The following ADAMTSL1 variants were observed in gnomAD, a reference collection of about 807,000 sequenced individuals.
ADAMTSL1 encodes ADAMTS-like protein 1.
Under a neutral mutation model 201.8 loss-of-function variants are expected in ADAMTSL1, and 126 were observed. The ratio of observed to expected loss-of-function variants is 0.62; its 90% CI spans 0.54 to 0.72. ADAMTSL1 has a LOEUF of 0.72. ADAMTSL1 is among the 30% of genes least tolerant of loss of function. ADAMTSL1 has a pLI of 0.00. For synonymous variants in ADAMTSL1, 1,121 were observed against 903.4 expected, an observed-to-expected ratio of 1.24 and a Z score of -4.32; for missense variants, 2,679 against 2,277.8, an observed-to-expected ratio of 1.18 and a Z score of -3.59.
At chr9:18,422,990 C>T (rs369415944) in intron 2 of ADAMTSL1, among the ~76,000 whole-genome samples, 1 of 152,332 alleles carries the variant, frequency 6.6e-6, no homozygotes, top group South Asian at 2.1e-4. Context: ...GCTTTCCAGA[C>T]TTTGGTGTGT....
intron 19 of ADAMTSL1, among the ~76,000 whole-genome samples, chr9:18,788,816 C>G (rs766320824): frequency 1.8e-4 from 27 of 151,396 alleles, no homozygotes; most frequent in Non-Finnish European, 4.4e-5. Context: ...TGTTTTCCAG[C>G]TCTAACTCAT....
chr9:18,180,304 C>T (rs1285105591), intron 2 of ADAMTSL1, among the ~76,000 whole-genome samples: 5 of 152,094 alleles, frequency 3.3e-5, no homozygotes, highest in African/African-American at 1.2e-4. Flanking sequence ...GAGGCTGAGG[C>T]GGGCGGATCA....
intron 2 of ADAMTSL1, among the ~76,000 whole-genome samples, chr9:18,211,931 T>A (rs1829887190): frequency 1.3e-5 from 2 of 152,214 alleles, no homozygotes; most frequent in Admixed American, 1.3e-4. Context: ...CAAGTGCCCC[T>A]GTTTTCATGA....
intron 23 of ADAMTSL1, among the ~76,000 whole-genome samples, chr9:18,832,464 T>A (rs1046097609): frequency 6.6e-6 from 1 of 152,180 alleles, no homozygotes; most frequent in Non-Finnish European, 1.5e-5. Context: ...TTCGAGGGTT[T>A]TTAAATAGGA....
intron 1 of ADAMTSL1, 68 bp from the exon 2 acceptor site, chr9:18,504,761 C>T: frequency 4.3e-6 from 7 of 1,611,610 alleles, no homozygotes; most frequent in Non-Finnish European, 5.9e-6. Flanking sequence ...AGGCCAGTCA[C>T]ATTTTAGAAC....
intron 2 of ADAMTSL1, among the ~76,000 whole-genome samples, chr9:18,298,876 T>C (rs960986775): frequency 9.9e-5 from 15 of 151,976 alleles, no homozygotes; most frequent in Admixed American, 2.0e-4. Context: ...CCGGTCGTGG[T>C]GGCGGGCGCC....
At chr9:18,345,545 A>G (rs1241669943) in intron 2 of ADAMTSL1, among the ~76,000 whole-genome samples, 1 of 152,206 alleles carries the variant, frequency 6.6e-6, no homozygotes, top group African/African-American at 2.4e-5. Flanking sequence ...TTATAAACGG[A>G]GATACCACTA....
At chr9:17,975,032 C>A (rs901791485) in intron 1 of ADAMTSL1, among the ~76,000 whole-genome samples, 4 of 151,942 alleles carry the variant, frequency 2.6e-5, no homozygotes, top group African/African-American at 9.7e-5. Flanking sequence ...AAAAGTTAAC[C>A]TTCATCTTTG....
At chr9:18,521,222 T>A (rs567642972) in intron 2 of ADAMTSL1, among the ~76,000 whole-genome samples, 31 of 152,288 alleles carry the variant, frequency 2.0e-4, no homozygotes, top group Non-Finnish European at 3.5e-4. Flanking sequence ...AGCAAATTTC[T>A]TATTATTTGA....
chr9:18,618,892 T>C lies in ADAMTSL1; in HGVS notation c.475-3351T>C, dbSNP rs145555708. 3.0e-3 allele frequency among the ~76,000 whole-genome samples: 463 copies of C among 152,252 alleles called. 2 individuals carry two copies. The highest frequency in any genetic ancestry group is 9.7e-3 in the African/African-American group (405 of 41,554). On this transcript the variant is annotated intron_variant, in intron 4 of 28. Coordinates refer to ENST00000380548, the MANE Select transcript of ADAMTSL1 (RefSeq NM_001040272.6). The stretch of plus-strand genomic sequence containing the variant: ...GCATATAATGCTAACCCAGATAAAA[T>C]TGGGGTCCAGTACAAGAAAAATAAG...
chr9:18,359,279 T>A (rs1836394690), intron 2 of ADAMTSL1, among the ~76,000 whole-genome samples: 1 of 152,116 alleles, frequency 6.6e-6, no homozygotes, highest in Non-Finnish European at 1.5e-5. Flanking sequence ...TCAGCCTCCA[T>A]CTTTTCCATT....
chr9:18,781,251 A>AG (rs1213826820), intron 19 of ADAMTSL1, among the ~76,000 whole-genome samples: 1 of 152,092 alleles, frequency 6.6e-6, no homozygotes, highest in East Asian at 1.9e-4. Context: ...GTTGTGGGGG[A>AG]GGGTAGCACT....
intron 1 of ADAMTSL1, among the ~76,000 whole-genome samples, chr9:18,021,989 T>A (rs899102873): frequency 6.6e-6 from 1 of 152,000 alleles, no homozygotes; most frequent in African/African-American, 2.4e-5. Flanking sequence ...TCTATAAAAG[T>A]GGTGATAAAA....
intron 2 of ADAMTSL1, among the ~76,000 whole-genome samples, chr9:18,237,341 T>C (rs188760444): frequency 4.6e-5 from 7 of 152,340 alleles, no homozygotes; most frequent in South Asian, 4.1e-4. Context: ...ACAGGGGCAC[T>C]GTGTACAGAA....
chr9:18,633,599 A>C (rs1826915479), intron 5 of ADAMTSL1, among the ~76,000 whole-genome samples: 1 of 151,454 alleles, frequency 6.6e-6, no homozygotes, highest in African/African-American at 2.4e-5. Context: ...CATCTCAAAA[A>C]ACAAACAAAC....
chr9:18,701,458 G>T (rs1831918567), intron 13 of ADAMTSL1, among the ~76,000 whole-genome samples: 1 of 152,224 alleles, frequency 6.6e-6, no homozygotes, highest in East Asian at 1.9e-4. Flanking sequence ...GACTTCAGGC[G>T]ATCCGCCCAC....
chr9:18,230,064 T>C (rs955258866), intron 2 of ADAMTSL1, among the ~76,000 whole-genome samples: 2 of 152,084 alleles, frequency 1.3e-5, no homozygotes, highest in African/African-American at 4.8e-5. Context: ...GTAGGTAAGA[T>C]AAGAAAGAAT....
chr9:17,934,345 C>T (rs966754748), intron 1 of ADAMTSL1, among the ~76,000 whole-genome samples: 2 of 152,268 alleles, frequency 1.3e-5, no homozygotes, highest in African/African-American at 4.8e-5. Context: ...CTGGGACCTA[C>T]AAGCCATATT....
chr9:17,976,265 C>A (rs1755275), intron 1 of ADAMTSL1, among the ~76,000 whole-genome samples: 73,174 of 151,604 alleles, frequency 0.48, 19,287 homozygotes, highest in East Asian at 0.92. Flanking sequence ...TTTTAAAAAG[C>A]CAGTGAGATT....
Sources: gnomAD v4.1 joint callset for allele counts (sites outside exome capture counted in the v4.1 genomes callset) on GRCh38, gnomAD v4.1.1 for gene constraint, MANE v1.5 for transcripts, NCBI Gene and HGNC (gene_info 2026-07-23, HGNC 2026-07-21) for gene names.